The following LPP variants were observed in gnomAD, a reference collection of about 807,000 sequenced individuals.
LPP encodes lipoma-preferred partner.
Under a neutral mutation model 60.4 loss-of-function variants are expected in LPP, and 38 were observed. That is an observed-to-expected ratio of 0.63 (90% CI 0.49 to 0.83). The LOEUF (loss-of-function observed/expected upper bound fraction) is 0.83. Ranked by LOEUF, LPP falls within the 40% of genes least tolerant of loss-of-function variation. The pLI is 0.00. For missense variants in LPP, 902 were observed against 783.6 expected, an observed-to-expected ratio of 1.15 and a Z score of -1.80; for synonymous variants, 328 against 290.8, an observed-to-expected ratio of 1.13 and a Z score of -1.30.
chr3:188,691,902 G>A lies in LPP; in HGVS notation c.1114-16365G>A, dbSNP rs189267521. ...GATAGTGCCTCATATCCACTGAAAC[G>A]TAAGTACTTAAGGAGTGGATGGGAA... On this transcript the variant is annotated intron_variant, in intron 7 of 11. Transcript: ENST00000617246. Among the ~76,000 whole-genome samples the A allele has an allele frequency of 7.2e-5, 11 of 152,148 alleles. 1 individual carries two copies. Among genetic ancestry groups the A allele is most frequent in the Admixed American group, 3.9e-4 (6 of 15,284 alleles).
chr3:188,526,464 G>A (rs1429623155), intron 6 of LPP, among the ~76,000 whole-genome samples: 2 of 151,966 alleles, frequency 1.3e-5, no homozygotes, highest in Non-Finnish European at 2.9e-5. Context: ...GCTAATTTTT[G>A]TATTTTAGTA....
intron 9 of LPP, among the ~76,000 whole-genome samples, chr3:188,765,049 C>T (rs1331837523): frequency 1.3e-5 from 2 of 152,122 alleles, no homozygotes; most frequent in Non-Finnish European, 2.9e-5. Flanking sequence ...TGTCAGCCTA[C>T]ATTAAGAGGT....
At position 188,875,231 on chromosome 3, in the gene LPP, G is replaced by T. The variant is rs997018859; in HGVS notation, c.*752G>T. 4 of 217,916 alleles carry T rather than the reference G, an allele frequency of 1.8e-5. No homozygotes were observed. The highest frequency in any genetic ancestry group is 2.8e-5 in the Non-Finnish European group (3 of 108,660). 13.5% of individuals were successfully genotyped at this position (217,916 alleles called of 1,614,324 possible). ...TGGGATATGCTAGAAAAGGCATTTT[G>T]GGGTTATGTTTAAAAAAACATTATT... On this transcript the variant is annotated 3_prime_UTR_variant, in exon 12 of 12. Transcript: ENST00000617246.
chr3:188,251,144 G>A (rs1729497194), intron 2 of LPP, among the ~76,000 whole-genome samples: 1 of 140,114 alleles, frequency 7.1e-6, no homozygotes, highest in Non-Finnish European at 1.5e-5. Flanking sequence ...TTTTGGTTAT[G>A]GTCTTCAAGA....
At chr3:188,180,897 C>T (rs753446232) in intron 1 of LPP, 8 of 151,904 alleles carry the variant, frequency 5.3e-5, no homozygotes, top group Non-Finnish European at 1.2e-4. Context: ...AGCACTGTGA[C>T]GAACATCCTT....
chr3:188,417,639 T>G (rs1786661951), intron 4 of LPP, among the ~76,000 whole-genome samples: 2 of 152,136 alleles, frequency 1.3e-5, no homozygotes, highest in Non-Finnish European at 2.9e-5. Context: ...GGAAGTTAGG[T>G]AGCTTCAGAG....
At chr3:188,441,615 T>TC (rs1793939102) in intron 4 of LPP, among the ~76,000 whole-genome samples, 3 of 92,806 alleles carry the variant, frequency 3.2e-5, no homozygotes, top group East Asian at 4.7e-4. Context: ...TTTTCTTTTT[T>TC]TTTTTTTTTT....
intron 7 of LPP, among the ~76,000 whole-genome samples, chr3:188,636,797 C>T (rs556200664): frequency 9.2e-5 from 14 of 151,798 alleles, no homozygotes; most frequent in African/African-American, 1.9e-4. Flanking sequence ...TGCAGGGGCA[C>T]GCTGACACCT....
At chr3:188,475,254 C>A in intron 4 of LPP, among the ~76,000 whole-genome samples, 1 of 152,270 alleles carries the variant, frequency 6.6e-6, no homozygotes, top group East Asian at 1.9e-4. Context: ...AAAGATAATT[C>A]TTCTTGCTTT....
rs749622593 is a variant in LPP, at chr3:188,250,808, C to CTTTCTCTTTCTTTCTTTCTT, written c.-67+25282_-67+25283insTTCTCTTTCTTTCTTTCTTT. Among the ~76,000 whole-genome samples, 7 of 132,090 alleles carry CTTTCTCTTTCTTTCTTTCTT rather than the reference C, an allele frequency of 5.3e-5. No homozygotes were observed. The East Asian group carries it at 1.5e-3, about 28-fold the overall frequency. The allele number at this position is 132,090 out of a possible 152,430, so 86.7% of individuals were successfully genotyped here. On this transcript the variant is annotated intron_variant, in intron 2 of 11. Coordinates refer to ENST00000617246, the MANE Select transcript of LPP (RefSeq NM_001375462.1). Reference sequence around the variant, plus strand: ...TTTCTGTCTTTCTCTTTCTTTCTTTCTCTTTCTTTCTTTCTTTTTCTTTCT... The same window carrying CTTTCTCTTTCTTTCTTTCTT: ...TTTCTGTCTTTCTCTTTCTTTCTTTCTTTCTCTTTCTTTCTTTCTTTCTTTCTTTCTTTCTTTTTCTTTCT...
At chr3:188,787,247 GTTAT>G (rs541334972) in intron 9 of LPP, among the ~76,000 whole-genome samples, 573 of 152,106 alleles carry the variant, frequency 3.8e-3, no homozygotes, top group Non-Finnish European at 6.0e-3. Flanking sequence ...AGATCTCTAC[GTTAT>G]TTCTTTCAAC....
At chr3:188,827,521 G>A (rs1755894742) in intron 9 of LPP, among the ~76,000 whole-genome samples, 1 of 152,172 alleles carries the variant, frequency 6.6e-6, no homozygotes, top group Non-Finnish European at 1.5e-5. Flanking sequence ...TTTCATTCTT[G>A]TTAAAAGACT....
At chr3:188,814,040 C>T (rs1195936864) in intron 9 of LPP, among the ~76,000 whole-genome samples, 1 of 152,108 alleles carries the variant, frequency 6.6e-6, no homozygotes, top group East Asian at 1.9e-4. Context: ...CCACTGCCCT[C>T]CAGCCTGGGC....
At chr3:188,657,234 T>A (rs1320122270) in intron 7 of LPP, among the ~76,000 whole-genome samples, 2 of 93,464 alleles carry the variant, frequency 2.1e-5, no homozygotes, top group African/African-American at 7.9e-5. Flanking sequence ...TAGTGATGTA[T>A]AAGTTTTCAA....
chr3:188,310,219 T>C (rs1451808697), intron 2 of LPP, among the ~76,000 whole-genome samples: 2 of 146,118 alleles, frequency 1.4e-5, no homozygotes, highest in African/African-American at 5.1e-5. Flanking sequence ...TTGTCTTTCT[T>C]TTTTTTTTTT....
chr3:188,199,822 C>T (rs559998578), intron 1 of LPP, among the ~76,000 whole-genome samples: 4 of 151,954 alleles, frequency 2.6e-5, no homozygotes, highest in African/African-American at 9.7e-5. Flanking sequence ...TCAAGACATT[C>T]TCCTGCCTCA....
chr3:188,708,305 C>T lies in LPP; in HGVS notation c.1152C>T (p.Ala384=), dbSNP rs1035501513. Residue 384 remains alanine, a synonymous_variant, in exon 8 of 12, where the codon GCC becomes GCT. Transcript: ENST00000617246. ...GGCAACTGGGGCCTTCGTCAGTTGC[C>T]CCTTCATTCCGCCCAGAGGATGAGC... The part of the protein sequence containing the change: ...HSGQLGPSSV[A]PSFRPEDELE... 1.2e-6 allele frequency: 2 copies of T among 1,614,068 alleles called. No individual in the cohort carries two copies. Among genetic ancestry groups the T allele is most frequent in the Non-Finnish European group, 1.7e-6 (2 of 1,180,006 alleles).
intron 2 of LPP, among the ~76,000 whole-genome samples, chr3:188,275,511 C>T (rs2149836235): frequency 6.6e-6 from 1 of 152,248 alleles, no homozygotes; most frequent in East Asian, 1.9e-4. Context: ...GGGTGTGCAC[C>T]ACTGTGCCTG....
At chr3:188,485,274 G>A (rs942766102) in intron 5 of LPP, among the ~76,000 whole-genome samples, 6 of 152,108 alleles carry the variant, frequency 3.9e-5, no homozygotes, top group African/African-American at 9.7e-5. Flanking sequence ...AAAGTAACTC[G>A]GGGCTGGGAT....
Sources: gnomAD v4.1 joint callset for allele counts (sites outside exome capture counted in the v4.1 genomes callset) on GRCh38, gnomAD v4.1.1 for gene constraint, MANE v1.5 for transcripts, NCBI Gene and HGNC (gene_info 2026-07-23, HGNC 2026-07-21) for gene names.